The following PREPL variants were observed in gnomAD, a reference collection of about 807,000 sequenced individuals.
The protein encoded by PREPL is prolyl endopeptidase-like.
In PREPL, 77 loss-of-function variants were observed where a neutral mutation model predicts 70.6. That is an observed-to-expected ratio of 1.09 (90% CI 0.91 to 1.32). The LOEUF is 1.32. PREPL is among the 40% of genes most tolerant of loss of function. The pLI is 0.00. For missense variants in PREPL, 1,002 were observed against 778.2 expected (o/e 1.29, Z -3.42); for synonymous variants, 315 against 264.8 (o/e 1.19, Z -1.84).
chr2:44,321,780 G>C, intron 13 of PREPL, 47 bp downstream of exon 13: 2 of 1,613,632 alleles, frequency 1.2e-6, no homozygotes, highest in South Asian at 2.2e-5. Flanking sequence ...AAAACAACAT[G>C]TATCTAGTTC....
In PREPL at chr2:44,358,386, C is replaced by G. The variant is rs184692419; in HGVS notation, c.-49+2994G>C. Among the ~76,000 whole-genome samples the G allele has an allele frequency of 2.4e-3, 362 of 151,954 alleles. 1 individual carries two copies. Among genetic ancestry groups the G allele is most frequent in the African/African-American group, 8.4e-3 (348 of 41,442 alleles). ...GACTAAAAGAAAAATCAGTATGCGA[C>G]AAAACCAGAAATTAAAATAAAAAAA... is the stretch of plus-strand genomic sequence containing the variant. On this transcript the variant is annotated intron_variant, in intron 1 of 13. Coordinates refer to ENST00000409411, the MANE Select transcript of PREPL (RefSeq NM_001171613.2).
chr2:44,347,943 G>T (rs1354572157), intron 1 of PREPL, among the ~76,000 whole-genome samples: 1 of 151,930 alleles, frequency 6.6e-6, no homozygotes, highest in Non-Finnish European at 1.5e-5. Context: ...TTTCACAAAG[G>T]TTTTCCTTTT....
At chr2:44,331,025 C>G (rs1674032067) in intron 8 of PREPL, among the ~76,000 whole-genome samples, 1 of 152,150 alleles carries the variant, frequency 6.6e-6, no homozygotes. Context: ...TCACTGCAGC[C>G]TCAACCTCCT....
intron 1 of PREPL, among the ~76,000 whole-genome samples, chr2:44,352,788 A>G (rs945269690): frequency 1.3e-5 from 2 of 152,268 alleles, no homozygotes; most frequent in African/African-American, 4.8e-5. Flanking sequence ...GAAAAAAATA[A>G]TAATAGAACA....
upstream of PREPL, chr2:44,361,756 C>T: frequency 2.0e-6 from 1 of 501,776 alleles, no homozygotes; most frequent in East Asian, 3.6e-5. Context: ...CCTGCCACAG[C>T]TCTCTCATCC....
Position 44,317,937 on chromosome 2 carries a change from T to A in PREPL, c.*3419A>T. On this transcript the variant is annotated 3_prime_UTR_variant, in exon 14 of 14. Transcript: ENST00000409411. ...AAACACTAACATAAAACACAAAGAA[T>A]TAAAATGAAGATATAGCAAGCAAAT... is the stretch of plus-strand genomic sequence containing the variant. The A allele has an allele frequency of 4.0e-6, 1 of 250,760 alleles. No individual in the cohort carries two copies. Among genetic ancestry groups the A allele is most frequent in the South Asian group, 3.5e-5 (1 of 28,750 alleles). 15.5% of individuals were successfully genotyped at this position (250,760 alleles called of 1,614,324 possible). A position where few individuals can be genotyped will look rare whatever the true frequency, so the allele number is the denominator to read the frequency against.
chr2:44,345,004 G>A (rs535788245), intron 2 of PREPL, among the ~76,000 whole-genome samples: 39 of 152,274 alleles, frequency 2.6e-4, no homozygotes, highest in African/African-American at 9.1e-4. Flanking sequence ...TGAAAACCCA[G>A]TCTATAACTT....
intron 1 of PREPL, chr2:44,347,434 GA>G (rs1446805675): frequency 6.6e-6 from 1 of 152,090 alleles, no homozygotes; most frequent in Non-Finnish European, 1.5e-5. Flanking sequence ...GAAGAACCAG[GA>G]AAAATAATAG....
intron 7 of PREPL, among the ~76,000 whole-genome samples, chr2:44,336,374 T>C (rs1000475910): frequency 3.9e-5 from 6 of 152,134 alleles, no homozygotes; most frequent in Non-Finnish European, 8.8e-5. Flanking sequence ...AAAGAGATAA[T>C]GTTCTTTGCA....
rs1482181493 is a variant in PREPL, at chr2:44,330,417, C to T, written c.1087-1305G>A. ...TCCATCTCGGGTCCAATAATTGCAA[C>T]ATTTTGATAGACTAGTCTAATTCCA... On this transcript the variant is annotated intron_variant, in intron 8 of 13. Coordinates refer to ENST00000409411, the MANE Select transcript of PREPL (RefSeq NM_001171613.2). 3.3e-5 allele frequency among the ~76,000 whole-genome samples: 5 copies of T among 152,244 alleles called. No homozygotes were observed. The East Asian group carries it at 9.6e-4, about 29-fold the overall frequency.
chr2:44,348,907 T>C (rs1676107691), intron 1 of PREPL, among the ~76,000 whole-genome samples: 2 of 152,184 alleles, frequency 1.3e-5, no homozygotes, highest in African/African-American at 2.4e-5. Context: ...GCTAGCAATA[T>C]CATTAGCGTA....
intron 5 of PREPL, among the ~76,000 whole-genome samples, chr2:44,340,148 T>C (rs1272132338): frequency 6.6e-6 from 1 of 152,066 alleles, no homozygotes; most frequent in African/African-American, 2.4e-5. Flanking sequence ...CCTAATATTA[T>C]AACAGGTTTA....
At position 44,337,904 on chromosome 2, in the gene PREPL, C is replaced by G. The variant is rs113961965; in HGVS notation, c.888+447G>C. 7.4e-3 allele frequency among the ~76,000 whole-genome samples: 1,122 copies of G among 152,288 alleles called. 11 individuals carry two copies. The highest frequency in any genetic ancestry group is 0.026 in the African/African-American group (1,064 of 41,560). On this transcript the variant is annotated intron_variant, in intron 7 of 13. Transcript: ENST00000409411. ...CCCTGCGGATAAGAAAACTGGCAGA[C>G]AGAAGATGATGCAGACAAAAGCATG...
intron 10 of PREPL, 41 bp downstream of exon 10, chr2:44,326,671 C>T (rs769918394): frequency 6.3e-7 from 1 of 1,580,506 alleles, no homozygotes; most frequent in Non-Finnish European, 8.7e-7. Flanking sequence ...TGGCTTCACA[C>T]CTCCCCCATT....
intron 5 of PREPL, among the ~76,000 whole-genome samples, chr2:44,340,899 G>C (rs569616651): frequency 6.7e-6 from 1 of 148,416 alleles, no homozygotes; most frequent in African/African-American, 2.5e-5. Flanking sequence ...CTGCACTCCA[G>C]TCTGGGTGAC....
chr2:44,340,847 G>C (rs1289748317), intron 5 of PREPL, among the ~76,000 whole-genome samples: 1 of 151,136 alleles, frequency 6.6e-6, no homozygotes, highest in Non-Finnish European at 1.5e-5. Flanking sequence ...AGAATCACTT[G>C]AACCTGGGAC....
In PREPL at chr2:44,344,660, A is replaced by G. The variant is rs940663221; in HGVS notation, c.76-74T>C. 3.3e-5 allele frequency: 38 copies of G among 1,142,048 alleles called. 1 individual carries two copies. Among genetic ancestry groups the G allele is most frequent in the Non-Finnish European group, 4.6e-5 (37 of 799,538 alleles). The allele number at this position is 1,142,048 out of a possible 1,614,324, so 70.7% of individuals were successfully genotyped here. On this transcript the variant is annotated intron_variant, in intron 2 of 13. Transcript: ENST00000409411. ...TTCATAGTCTGACTATTCAAGATGA[A>G]GATGAAATGAAGACTCTTATAAAAA...
intron 10 of PREPL, among the ~76,000 whole-genome samples, chr2:44,324,177 A>C (rs1177123637): frequency 6.6e-6 from 1 of 152,254 alleles, no homozygotes; most frequent in Non-Finnish European, 1.5e-5. Context: ...TAAGCCAGTC[A>C]CAAAAAATTT....
upstream of PREPL, chr2:44,361,553 C>A (rs868292404): frequency 3.9e-5 from 6 of 155,240 alleles, no homozygotes; most frequent in African/African-American, 1.4e-4. Context: ...GTTTGCAGCA[C>A]GCCAATCTAC....
Sources: allele counts gnomAD v4.1 joint callset (sites outside exome capture counted in the v4.1 genomes callset), GRCh38; gene constraint gnomAD v4.1.1; transcripts MANE v1.5; gene names NCBI Gene and HGNC (gene_info 2026-07-23, HGNC 2026-07-21).